The following BMP8B variants were observed in gnomAD, a reference collection of about 807,000 sequenced individuals.
BMP8B encodes bone morphogenetic protein 8b.
In BMP8B, 17 loss-of-function variants were observed where a neutral mutation model predicts 30.3. The observed-to-expected ratio is 0.56, with a 90% CI of 0.38 to 0.84. The LOEUF (loss-of-function observed/expected upper bound fraction) is 0.84, where lower values mean the gene tolerates loss of function less well. BMP8B is among the 40% of genes least tolerant of loss of function. BMP8B has a pLI of 0.00. For missense variants in BMP8B, 253 were observed against 494.6 expected (o/e 0.51, Z 4.63); for synonymous variants, 131 against 214.7 (o/e 0.61, Z 3.41).
chr1:39,759,143 C>G lies in BMP8B; in HGVS notation c.*1276G>C, dbSNP rs1648611404. 1 of 152,270 alleles carries G rather than the reference C, an allele frequency of 6.6e-6. No individual in the cohort carries two copies. The highest frequency in any genetic ancestry group is 2.1e-4 in the South Asian group (1 of 4,838). The allele number at this position is 152,270 out of a possible 1,614,324, so 9.4% of individuals were successfully genotyped here. ...AACACTCCAACTCCCAGTGGCTGCT[C>G]CAAGGAGAACAGCAGTTTCCGAGAA... On this transcript the variant is annotated 3_prime_UTR_variant, in exon 7 of 7. Coordinates refer to ENST00000372827, the MANE Select transcript of BMP8B (RefSeq NM_001720.5).
chr1:39,758,676 A>T lies in BMP8B; in HGVS notation c.*1743T>A, dbSNP rs1233206787. Reference sequence around the variant, plus strand: ...TGGAGATCAAAAAGTGCAGATAGAAAATGGAGGCGCAGATAAGGAAGCCAC... The same window carrying T: ...TGGAGATCAAAAAGTGCAGATAGAATATGGAGGCGCAGATAAGGAAGCCAC... On this transcript the variant is annotated 3_prime_UTR_variant, in exon 7 of 7. Coordinates refer to ENST00000372827, the MANE Select transcript of BMP8B (RefSeq NM_001720.5). 1.3e-5 allele frequency: 2 copies of T among 152,302 alleles called. No homozygotes were observed. The highest frequency in any genetic ancestry group is 3.8e-4 in the East Asian group (2 of 5,202). 9.4% of individuals were successfully genotyped at this position (152,302 alleles called of 1,614,324 possible).
At chr1:39,776,535 G>A (rs1360907454) in intron 1 of BMP8B, among the ~76,000 whole-genome samples, 1 of 152,168 alleles carries the variant, frequency 6.6e-6, no homozygotes, top group Non-Finnish European at 1.5e-5. Context: ...TCCTGTCCTC[G>A]TGGTGGGGAC....
At chr1:39,768,615 G>A (rs1649753061) in intron 3 of BMP8B, among the ~76,000 whole-genome samples, 1 of 149,842 alleles carries the variant, frequency 6.7e-6, no homozygotes, top group Non-Finnish European at 1.5e-5. Context: ...ACTTTGGGAG[G>A]CCAAGGCAGG....
intron 3 of BMP8B, among the ~76,000 whole-genome samples, chr1:39,771,865 T>C: frequency 8.2e-6 from 1 of 121,628 alleles, no homozygotes; most frequent in African/African-American, 3.1e-5. Flanking sequence ...GTCCTCTGCA[T>C]CCCCCCGCCC....
chr1:39,788,471 G>C lies in BMP8B; in HGVS notation c.15C>G (p.Pro5=). The C allele has an allele frequency of 5.9e-6, 6 of 1,022,130 alleles. No individual in the cohort carries two copies. Among genetic ancestry groups the C allele is most frequent in the Non-Finnish European group, 7.0e-6 (6 of 855,486 alleles). 63.3% of individuals were successfully genotyped at this position (1,022,130 alleles called of 1,614,324 possible). ...CCAGGCCCAGGAGCCAGAGCGGGCC[G>C]GGGAGCGCGGTCATGGCAGGCCGGG... The part of the protein sequence containing the change: MTAL[P]GPLWLLGLAL... Residue 5 remains proline (P), a synonymous_variant, in exon 1 of 7, where the codon CCC becomes CCG. Coordinates refer to ENST00000372827, the MANE Select transcript of BMP8B (RefSeq NM_001720.5). This position sits in a 1 kb window ranked among gnomAD's most constrained non-coding sequence, Gnocchi z 5.8.
chr1:39,788,105 T>G lies in BMP8B; in HGVS notation c.334+47A>C. On this transcript the variant is annotated intron_variant, in intron 1 of 6. Transcript: ENST00000372827. The surrounding 1 kb of genome is among the most constrained non-coding windows in gnomAD (Gnocchi z 5.8). ...AGCCCGCGGATGCGCGCCCCTCCCC[T>G]GCAGCCAGCTTACTCCGAGGGTCCC... The G allele has an allele frequency of 6.7e-7, 1 of 1,493,282 alleles. No homozygotes were observed. The highest frequency in any genetic ancestry group is 8.8e-7 in the Non-Finnish European group (1 of 1,131,880). 92.5% of individuals were successfully genotyped at this position (1,493,282 alleles called of 1,614,324 possible).
chr1:39,787,986 C>CA, intron 1 of BMP8B, among the ~76,000 whole-genome samples, 166 bp downstream of exon 1: 1 of 152,316 alleles, frequency 6.6e-6, no homozygotes, highest in Admixed American at 6.5e-5. Context: ...AGGGGGCCCC[C>CA]ATGACCCTTA....
chr1:39,768,901 C>G (rs1649762892), intron 3 of BMP8B, among the ~76,000 whole-genome samples: 1 of 150,348 alleles, frequency 6.7e-6, no homozygotes, highest in African/African-American at 2.5e-5. Flanking sequence ...TTAATTGGCC[C>G]AACTCAGTGG....
At chr1:39,776,352 C>T (rs1341132443) in intron 1 of BMP8B, among the ~76,000 whole-genome samples, 1 of 152,188 alleles carries the variant, frequency 6.6e-6, no homozygotes, top group Non-Finnish European at 1.5e-5. Context: ...TCTGTGTTTC[C>T]AGAAAGCAGG....
At chr1:39,763,320 G>C (rs1359662552) in intron 5 of BMP8B, 118 bp from the exon 6 acceptor site, 4 of 1,032,428 alleles carry the variant, frequency 3.9e-6, no homozygotes, top group Non-Finnish European at 5.7e-6. Context: ...ATCCACCCAG[G>C]AACCCCCGGC....
chr1:39,784,732 C>T (rs1250388056), intron 1 of BMP8B, among the ~76,000 whole-genome samples: 1 of 121,932 alleles, frequency 8.2e-6, no homozygotes. Context: ...AAGGGCAGAG[C>T]AGGACCCGGG....
chr1:39,785,662 A>G (rs1289656211), intron 1 of BMP8B, among the ~76,000 whole-genome samples: 2 of 152,008 alleles, frequency 1.3e-5, no homozygotes, highest in African/African-American at 4.8e-5. Context: ...CGGTGACACC[A>G]CAGTGACCCT....
chr1:39,778,797 A>G (rs1183542194), intron 1 of BMP8B, among the ~76,000 whole-genome samples: 2 of 152,216 alleles, frequency 1.3e-5, no homozygotes, highest in African/African-American at 4.8e-5. Context: ...AATTTTCCAG[A>G]AAGAAGTGGT....
chr1:39,763,647 G>A (rs493473), intron 5 of BMP8B, 65 bp downstream of exon 5: 588,562 of 1,409,022 alleles, frequency 0.42, 81,454 homozygotes, highest in South Asian at 0.43. Flanking sequence ...TGTCCTCCCT[G>A]CAGATTCACT....
Position 39,760,222 on chromosome 1 carries a change from G to T in BMP8B, c.*197C>A. 1.1e-6 allele frequency: 1 copy of T among 927,486 alleles called. No individual in the cohort carries two copies. Among genetic ancestry groups the T allele is most frequent in the South Asian group, 1.7e-5 (1 of 57,220 alleles). The allele number at this position is 927,486 out of a possible 1,614,324, so 57.5% of individuals were successfully genotyped here. The stretch of plus-strand genomic sequence containing the variant: ...TTGAGACCACCTGGGCTGGAAACAG[G>T]ACAGTCACACAAATGCCTGGCAGGG... On this transcript the variant is annotated 3_prime_UTR_variant, in exon 7 of 7. Coordinates refer to ENST00000372827, the MANE Select transcript of BMP8B (RefSeq NM_001720.5).
rs1291548632 is a variant in BMP8B at position 39,774,830 on chromosome 1, C to T, written c.524+19G>A. On this transcript the variant is annotated intron_variant, in intron 2 of 6. Coordinates refer to ENST00000372827, the MANE Select transcript of BMP8B (RefSeq NM_001720.5). The stretch of plus-strand genomic sequence containing the variant: ...GAGGTGGGGGGTTAGGTGGGGCACC[C>T]GGGCCAAGGGGAAGGCACCTGTTGG... 10 of 622,470 alleles carry T rather than the reference C, an allele frequency of 1.6e-5. No homozygotes were observed. Among genetic ancestry groups the T allele is most frequent in the South Asian group, 4.0e-5 (2 of 50,476 alleles). 38.6% of individuals were successfully genotyped at this position (622,470 alleles called of 1,614,324 possible). A position where few individuals can be genotyped will look rare whatever the true frequency, so the allele number is the denominator to read the frequency against.
At chr1:39,762,456 A>G in intron 6 of BMP8B, 1 of 1,493,658 alleles carries the variant, frequency 6.7e-7, no homozygotes. Flanking sequence ...ACAAACACAC[A>G]GAGCACTCAA....
At chr1:39,763,550 C>T in intron 5 of BMP8B, 162 bp downstream of exon 5, 1 of 1,092,506 alleles carries the variant, frequency 9.2e-7, no homozygotes, top group Non-Finnish European at 1.3e-6. Context: ...AAAAAAAAAA[C>T]CCTTTCTCAC....
rs140845003 is a variant in BMP8B at position 39,787,755 on chromosome 1, T to C, written c.334+397A>G. ...CCGATGTGACCACAGGTTTCCACGC[T>C]GAACTTTGTCCCTCTCCTCAGTACT... On this transcript the variant is annotated intron_variant, in intron 1 of 6. Transcript: ENST00000372827. 1.6e-3 allele frequency among the ~76,000 whole-genome samples: 248 copies of C among 152,308 alleles called. 2 individuals carry two copies. Among genetic ancestry groups the C allele is most frequent in the African/African-American group, 5.7e-3 (235 of 41,564 alleles).
Sources: gnomAD v4.1 joint callset for allele counts (sites outside exome capture counted in the v4.1 genomes callset) on GRCh38, gnomAD v4.1.1 for gene constraint, Gnocchi (gnomAD v3.1) non-coding constraint, MANE v1.5 for transcripts, NCBI Gene and HGNC (gene_info 2026-07-23, HGNC 2026-07-21) for gene names.